Variants in DRAM2 observed in about 807,000 individuals in gnomAD.
DRAM2 encodes the protein DNA damage-regulated autophagy modulator protein 2.
Under a neutral mutation model 33.5 loss-of-function variants are expected in DRAM2, and 26 were observed. That is an observed-to-expected ratio of 0.78 (90% CI 0.57 to 1.08). DRAM2 has a LOEUF of 1.08. Ranked by LOEUF, DRAM2 falls within the 50% of genes least tolerant of loss-of-function variation. The pLI is 0.00. For synonymous variants in DRAM2, 98 were observed against 109.5 expected (o/e 0.89, Z 0.66); for missense variants, 311 against 318.1 (o/e 0.98, Z 0.17).
At chr1:111,136,401 C>T (rs1571072775) in intron 3 of DRAM2, among the ~76,000 whole-genome samples, 1 of 152,072 alleles carries the variant, frequency 6.6e-6, no homozygotes, top group Non-Finnish European at 1.5e-5. Flanking sequence ...CCAGTCTCTA[C>T]TAAAAATACA....
intron 6 of DRAM2, 67 bp downstream of exon 6, chr1:111,124,675 G>A (rs1571029631): frequency 3.3e-6 from 5 of 1,527,316 alleles, no homozygotes; most frequent in Non-Finnish European, 4.5e-6. Context: ...GAATGCTTCA[G>A]GTTTCCCTTT....
intron 4 of DRAM2, among the ~76,000 whole-genome samples, chr1:111,128,792 A>C (rs1651514519): frequency 6.6e-6 from 1 of 152,206 alleles, no homozygotes; most frequent in Non-Finnish European, 1.5e-5. Context: ...ATAGAAGTGG[A>C]ACCCATGAAT....
In DRAM2 at chr1:111,129,352, T is replaced by C. The variant is rs1651620741; in HGVS notation, c.131+2072A>G. Among the ~76,000 whole-genome samples the C allele has an allele frequency of 2.6e-5, 4 of 152,190 alleles. No individual in the cohort carries two copies. The South Asian group carries it at 8.3e-4, about 31-fold the overall frequency. On this transcript the variant is annotated intron_variant, in intron 4 of 9. Coordinates refer to ENST00000484310, the MANE Select transcript of DRAM2 (RefSeq NM_001349884.2). ...AGCATCATATAGAGGCTGAATACTT[T>C]CAGGGGTGGACCTAACTATATTCCA...
rs1442251825 is a variant in DRAM2 at position 111,139,500 on chromosome 1, CAACAGG to C, written c.-84_-79del. ...CCAAAGTATCTGAACCCAGAACTCACAACAGGAACGTGTACTCAACAGGAACGTGTA... is the reference window on the plus strand; with the variant it reads ...CCAAAGTATCTGAACCCAGAACTCACAACGTGTACTCAACAGGAACGTGTA... On this transcript the variant is annotated splice_region_variant and 5_prime_UTR_variant, in exon 2 of 10. Coordinates refer to ENST00000484310, the MANE Select transcript of DRAM2 (RefSeq NM_001349884.2). 5.9e-5 allele frequency: 9 copies of C among 152,374 alleles called. No homozygotes were observed. In the East Asian group the frequency reaches 1.7e-3, roughly 29 times the overall value. 9.4% of individuals were successfully genotyped at this position (152,374 alleles called of 1,614,324 possible).
intron 3 of DRAM2, among the ~76,000 whole-genome samples, chr1:111,132,484 T>C (rs1652299092): frequency 6.6e-6 from 1 of 152,078 alleles, no homozygotes. Context: ...AGTTGGGAGG[T>C]AGTCTAGTGG....
intron 6 of DRAM2, among the ~76,000 whole-genome samples, chr1:111,124,028 G>A (rs1170929643): frequency 6.6e-6 from 1 of 152,064 alleles, no homozygotes; most frequent in Non-Finnish European, 1.5e-5. Context: ...ACAAACCAAG[G>A]CAGTTTAACC....
At chr1:111,139,746 G>C (rs1487051534) in intron 1 of DRAM2, 80 bp from the exon 2 acceptor site, 1 of 152,388 alleles carries the variant, frequency 6.6e-6, no homozygotes, top group African/African-American at 2.4e-5. Context: ...GGGAAACCAA[G>C]GAAGAGAACA....
intron 6 of DRAM2, among the ~76,000 whole-genome samples, chr1:111,121,313 C>T (rs538461451): frequency 1.3e-5 from 2 of 152,136 alleles, no homozygotes; most frequent in African/African-American, 2.4e-5. Flanking sequence ...CCAAGGAACA[C>T]CAAGGATTAC....
chr1:111,131,986 G>T (rs1201512947), intron 3 of DRAM2, among the ~76,000 whole-genome samples: 1 of 152,158 alleles, frequency 6.6e-6, no homozygotes, highest in South Asian at 2.1e-4. Flanking sequence ...CTGGCAAAAA[G>T]CTCTTAAAAC....
At chr1:111,131,852 T>A (rs993352771) in intron 3 of DRAM2, among the ~76,000 whole-genome samples, 3 of 152,176 alleles carry the variant, frequency 2.0e-5, no homozygotes, top group Non-Finnish European at 4.4e-5. Flanking sequence ...AAATCTACCC[T>A]TTTTCTCCAT....
chr1:111,131,609 A>C lies in DRAM2; in HGVS notation c.-14-41T>G, dbSNP rs979496943. Reference sequence around the variant, plus strand: ...CATATTAGAAAAGATAATTCACAAGAGTTTCCTCATCCTACTTTAGCCATC... The same window carrying C: ...CATATTAGAAAAGATAATTCACAAGCGTTTCCTCATCCTACTTTAGCCATC... On this transcript the variant is annotated intron_variant, in intron 3 of 9. Transcript: ENST00000484310. 5.2e-5 allele frequency: 83 copies of C among 1,603,300 alleles called. No individual in the cohort carries two copies. The African/African-American group carries it at 1.1e-3, about 21-fold the overall frequency.
intron 4 of DRAM2, among the ~76,000 whole-genome samples, chr1:111,130,135 C>T (rs1026536457): frequency 4.6e-5 from 7 of 152,188 alleles, no homozygotes; most frequent in African/African-American, 1.7e-4. Flanking sequence ...ACTACCCATT[C>T]TTCATTCGTT....
At chr1:111,136,631 T>C (rs978020616) in intron 3 of DRAM2, among the ~76,000 whole-genome samples, 1 of 151,968 alleles carries the variant, frequency 6.6e-6, no homozygotes, top group East Asian at 1.9e-4. Context: ...AATAATGTTA[T>C]CAACACAGAT....
At chr1:111,134,177 A>G (rs1011250434) in intron 3 of DRAM2, among the ~76,000 whole-genome samples, 1 of 152,236 alleles carries the variant, frequency 6.6e-6, no homozygotes, top group Admixed American at 6.5e-5. Context: ...ATGTGAATTA[A>G]GAAACATTGG....
intron 5 of DRAM2, 23 bp from the exon 6 acceptor site, chr1:111,124,904 A>T (rs763833024): frequency 6.2e-7 from 1 of 1,606,770 alleles, no homozygotes; most frequent in South Asian, 1.1e-5. Flanking sequence ...AATCCAAAAA[A>T]CAACAAAGTA....
intron 7 of DRAM2, among the ~76,000 whole-genome samples, 153 bp from the exon 8 acceptor site, chr1:111,120,112 C>T (rs1250300616): frequency 6.6e-6 from 1 of 151,862 alleles, no homozygotes; most frequent in East Asian, 1.9e-4. Flanking sequence ...TACTGTAAAA[C>T]TAAAAATGTG....
chr1:111,131,283 G>T, intron 4 of DRAM2, 141 bp downstream of exon 4: 1 of 935,312 alleles, frequency 1.1e-6, no homozygotes, highest in Non-Finnish European at 1.5e-6. Flanking sequence ...CCAAATTCAA[G>T]TTCCTTTTTA....
chr1:111,124,643 G>GAAAT lies in DRAM2; in HGVS notation c.339+95_339+98dup, dbSNP rs1486015849. 5.3e-6 allele frequency: 7 copies of GAAAT among 1,330,740 alleles called. No homozygotes were observed. In the African/African-American group the frequency reaches 1.1e-4, roughly 20 times the overall value. The allele number at this position is 1,330,740 out of a possible 1,614,324, so 82.4% of individuals were successfully genotyped here. A position where few individuals can be genotyped will look rare whatever the true frequency, so the allele number is the denominator to read the frequency against. On this transcript the variant is annotated intron_variant, in intron 6 of 9. Coordinates refer to ENST00000484310, the MANE Select transcript of DRAM2 (RefSeq NM_001349884.2). ...GTGATTTCTATTTTGCTAAGGTAAA[G>GAAAT]AAATAACAACAGCATGTAACTGAAT...
In DRAM2 at chr1:111,127,643, T is replaced by C. The variant is rs567358082; in HGVS notation, c.132-1349A>G. On this transcript the variant is annotated intron_variant, in intron 4 of 9. Coordinates refer to ENST00000484310, the MANE Select transcript of DRAM2 (RefSeq NM_001349884.2). ...GCTACTTTTCAAATTTTCCACAATG[T>C]ATATGTATTATTCTTAGAAAAATCC... 5.3e-5 allele frequency among the ~76,000 whole-genome samples: 8 copies of C among 152,342 alleles called. No individual in the cohort carries two copies. The South Asian group carries it at 1.4e-3, about 28-fold the overall frequency.
Sources: gnomAD v4.1 joint callset for allele counts (sites outside exome capture counted in the v4.1 genomes callset) on GRCh38, gnomAD v4.1.1 for gene constraint, MANE v1.5 for transcripts, NCBI Gene and HGNC (gene_info 2026-07-23, HGNC 2026-07-21) for gene names.